Variants in TYW1B observed in about 807,000 individuals in gnomAD.
TYW1B encodes the protein tRNA-yW synthesizing protein 1 homolog B.
A neutral mutation model predicts 86.9 loss-of-function variants in TYW1B; 73 were observed. That is an observed-to-expected ratio of 0.84 (90% CI 0.70 to 1.02). The LOEUF is 1.02. TYW1B is among the 50% of genes least tolerant of loss of function. The probability of loss-of-function intolerance (pLI) is 0.00; values close to 1 mark genes in which losing one functional copy is unlikely to be tolerated. For missense variants in TYW1B, 637 were observed against 827.4 expected, an observed-to-expected ratio of 0.77 and a Z score of 2.82; for synonymous variants, 248 against 292.8, an observed-to-expected ratio of 0.85 and a Z score of 1.56.
intron 13 of TYW1B, among the ~76,000 whole-genome samples, chr7:72,605,779 G>A (rs1811780389): frequency 6.6e-6 from 1 of 152,174 alleles, no homozygotes; most frequent in African/African-American, 2.4e-5. Flanking sequence ...ATTCTTTCCA[G>A]TAACACTGCA....
rs1185533776 is a variant in TYW1B at position 72,687,401 on chromosome 7, T to G, written c.1506+7286A>C. 1.3e-5 allele frequency among the ~76,000 whole-genome samples: 2 copies of G among 152,094 alleles called. 1 individual carries two copies. Among genetic ancestry groups the G allele is most frequent in the Non-Finnish European group, 2.9e-5 (2 of 68,024 alleles). ...GTGAGCAAAGATCACACCATTGCAC[T>G]CCAGCCTGGGCAACAAGAGTGAAAC... On this transcript the variant is annotated intron_variant, in intron 11 of 13. Transcript: ENST00000620995.
chr7:72,740,002 C>T (rs369098265), intron 8 of TYW1B, among the ~76,000 whole-genome samples: 21 of 148,668 alleles, frequency 1.4e-4, no homozygotes, highest in South Asian at 1.3e-3. Flanking sequence ...AAGGCCAAGG[C>T]GGGTGGATCA....
chr7:72,656,199 C>G (rs1379809282), intron 11 of TYW1B, among the ~76,000 whole-genome samples: 5 of 152,178 alleles, frequency 3.3e-5, no homozygotes, highest in Non-Finnish European at 5.9e-5. Context: ...GGAACTCTCA[C>G]ACACCACTGA....
At chr7:72,697,719 C>T (rs562508404) in intron 10 of TYW1B, among the ~76,000 whole-genome samples, 19 of 152,230 alleles carry the variant, frequency 1.2e-4, no homozygotes, top group African/African-American at 3.9e-4. Flanking sequence ...ATATCCTCTG[C>T]TCTCCCAAAA....
chr7:72,599,714 T>C (rs1448257143), intron 13 of TYW1B, among the ~76,000 whole-genome samples: 1 of 152,092 alleles, frequency 6.6e-6, no homozygotes, highest in African/African-American at 2.4e-5. Context: ...TTAATATATA[T>C]ATAAAATTAA....
At chr7:72,596,170 ACT>A (rs1472600815) in intron 13 of TYW1B, among the ~76,000 whole-genome samples, 5 of 134,774 alleles carry the variant, frequency 3.7e-5, no homozygotes, top group African/African-American at 1.4e-4. Flanking sequence ...GAGTGGAAAA[ACT>A]CTGTCTCAAA....
intron 11 of TYW1B, among the ~76,000 whole-genome samples, chr7:72,660,323 G>A (rs1275816996): frequency 6.6e-6 from 1 of 152,120 alleles, no homozygotes; most frequent in Non-Finnish European, 1.5e-5. Context: ...GCAGTGAGCT[G>A]TGATTGGGCC....
intron 11 of TYW1B, among the ~76,000 whole-genome samples, chr7:72,648,223 G>A (rs1178856419): frequency 6.6e-5 from 10 of 151,970 alleles, no homozygotes; most frequent in African/African-American, 1.9e-4. Context: ...CCTGATCTCC[G>A]CTATCCATTA....
chr7:72,722,491 T>C (rs1170000613), intron 9 of TYW1B, among the ~76,000 whole-genome samples: 2 of 152,198 alleles, frequency 1.3e-5, no homozygotes, highest in African/African-American at 4.8e-5. Flanking sequence ...GAATAGACAC[T>C]GAGTGGCACT....
rs551721280 is a variant in TYW1B, at chr7:72,796,883, C to A, written c.846+5517G>T. Among the ~76,000 whole-genome samples, 44 of 69,494 alleles carry A rather than the reference C, an allele frequency of 6.3e-4. No individual in the cohort carries two copies. The South Asian group carries it at 0.02, about 32-fold the overall frequency. 45.6% of individuals were successfully genotyped at this position (69,494 alleles called of 152,430 possible). Reference sequence around the variant, plus strand: ...ACAATGGTGCAATCTCGGCTCACTGCAACCTCCACCTCCTGGGTCAAGCGA... The same window carrying A: ...ACAATGGTGCAATCTCGGCTCACTGAAACCTCCACCTCCTGGGTCAAGCGA... On this transcript the variant is annotated intron_variant, in intron 6 of 13. Coordinates refer to ENST00000620995, the MANE Select transcript of TYW1B (RefSeq NM_001145440.3).
intron 13 of TYW1B, among the ~76,000 whole-genome samples, chr7:72,585,518 C>T (rs1333541648): frequency 2.0e-5 from 3 of 152,190 alleles, no homozygotes; most frequent in Non-Finnish European, 2.9e-5. Context: ...TTGGCTGTGT[C>T]TCCACCCAAA....
chr7:72,597,239 T>A (rs373303407), intron 13 of TYW1B, among the ~76,000 whole-genome samples: 5 of 131,392 alleles, frequency 3.8e-5, no homozygotes, highest in Non-Finnish European at 8.4e-5. Context: ...GAAATCATGA[T>A]GGAAATTGTA....
intron 12 of TYW1B, among the ~76,000 whole-genome samples, chr7:72,628,361 T>C (rs550605919): frequency 6.6e-6 from 1 of 152,184 alleles, no homozygotes; most frequent in Admixed American, 6.5e-5. Flanking sequence ...GCTGAAATAA[T>C]TCTGGGTAAA....
rs545545351 is a variant in TYW1B at position 72,798,227 on chromosome 7, C to T, written c.846+4173G>A. 2.6e-5 allele frequency among the ~76,000 whole-genome samples: 4 copies of T among 151,934 alleles called. No individual in the cohort carries two copies. In the South Asian group the frequency reaches 8.3e-4, roughly 32 times the overall value. The stretch of plus-strand genomic sequence containing the variant: ...GACCACGGTGAAACCCCGTCTCTAC[C>T]AAAAATACAAAAAATTAGCTGGGTG... On this transcript the variant is annotated intron_variant, in intron 6 of 13. Transcript: ENST00000620995.
At chr7:72,781,699 A>G (rs1554471674) in intron 6 of TYW1B, among the ~76,000 whole-genome samples, 1 of 152,182 alleles carries the variant, frequency 6.6e-6, no homozygotes, top group Non-Finnish European at 1.5e-5. Flanking sequence ...CTAAGGGACG[A>G]CGGCAAAAGC....
intron 10 of TYW1B, among the ~76,000 whole-genome samples, chr7:72,707,533 A>G (rs1814642880): frequency 1.3e-5 from 2 of 152,156 alleles, no homozygotes; most frequent in African/African-American, 4.8e-5. Context: ...TTGTCTAATC[A>G]CCACCAGGCC....
In TYW1B at chr7:72,702,996, A is replaced by T. The variant is rs1180288156; in HGVS notation, c.1371-8174T>A. 2.5e-4 allele frequency among the ~76,000 whole-genome samples: 3 copies of T among 11,890 alleles called. 1 individual carries two copies. The highest frequency in any genetic ancestry group is 6.5e-4 in the Non-Finnish European group (3 of 4,626). The allele number at this position is 11,890 out of a possible 152,430, so 7.8% of individuals were successfully genotyped here. On this transcript the variant is annotated intron_variant, in intron 10 of 13. Transcript: ENST00000620995. ...CATCTATCTATCTATCTATATATAT[A>T]TATATATATATATATATATATATAT...
At chr7:72,816,220 T>C (rs1788718941) in intron 2 of TYW1B, among the ~76,000 whole-genome samples, 1 of 151,672 alleles carries the variant, frequency 6.6e-6, no homozygotes, top group Admixed American at 6.6e-5. Context: ...CTACTAAAAA[T>C]ACAAAATTAG....
Position 72,610,626 on chromosome 7 carries a change from T to TTTGTTGTTG in TYW1B, c.1785+6037_1785+6045dup, listed in dbSNP as rs71517348. ...TGCTGGACCTGAGGGTTATAACAGG[T>TTTGTTGTTG]TTGTTGTTGTTGTTGTTGTTGTTGT... On this transcript the variant is annotated intron_variant, in intron 13 of 13. Coordinates refer to ENST00000620995, the MANE Select transcript of TYW1B (RefSeq NM_001145440.3). Among the ~76,000 whole-genome samples, 5 of 146,462 alleles carry TTTGTTGTTG rather than the reference T, an allele frequency of 3.4e-5. No individual in the cohort carries two copies. In the South Asian group the frequency reaches 6.3e-4, roughly 19 times the overall value.
Sources: allele counts gnomAD v4.1 joint callset (sites outside exome capture counted in the v4.1 genomes callset), GRCh38; gene constraint gnomAD v4.1.1; transcripts MANE v1.5; gene names NCBI Gene and HGNC (gene_info 2026-07-23, HGNC 2026-07-21).